The following SULF1 variants were observed in gnomAD, a reference collection of about 807,000 sequenced individuals.
The protein encoded by SULF1 is sulfatase 1.
In SULF1, 46 loss-of-function variants were observed where a neutral mutation model predicts 110.5. The ratio of observed to expected loss-of-function variants is 0.42; its 90% CI spans 0.33 to 0.53. The LOEUF (loss-of-function observed/expected upper bound fraction) is 0.53. SULF1 is among the 20% of genes least tolerant of loss of function. SULF1 has a pLI of 0.12. For missense variants in SULF1, 941 were observed against 1,094.2 expected, an observed-to-expected ratio of 0.86 and a Z score of 1.98; for synonymous variants, 371 against 387.1, an observed-to-expected ratio of 0.96 and a Z score of 0.49.
At chr8:69,561,377 A>G (rs1487772825) in intron 3 of SULF1, among the ~76,000 whole-genome samples, 1 of 152,092 alleles carries the variant, frequency 6.6e-6, no homozygotes, top group South Asian at 2.1e-4. Context: ...GGAAAAAACC[A>G]CTCTCTCTTT....
chr8:69,543,627 T>C (rs1011370309), intron 3 of SULF1, among the ~76,000 whole-genome samples: 4 of 152,246 alleles, frequency 2.6e-5, no homozygotes, highest in African/African-American at 9.6e-5. Context: ...CTATCACTGA[T>C]GGGCATTTGG....
chr8:69,635,739 G>T (rs1411045965), intron 19 of SULF1, among the ~76,000 whole-genome samples: 3 of 152,156 alleles, frequency 2.0e-5, no homozygotes, highest in Non-Finnish European at 4.4e-5. Flanking sequence ...GTGTGATGGT[G>T]CATACCTGTA....
At chr8:69,620,139 C>T (rs755214902) in intron 13 of SULF1, among the ~76,000 whole-genome samples, 8 of 152,030 alleles carry the variant, frequency 5.3e-5, no homozygotes, top group East Asian at 3.9e-4. Context: ...CCAGTTTGGC[C>T]GCTGGATGGC....
At chr8:69,470,369 G>C (rs1189303736) in intron 1 of SULF1, among the ~76,000 whole-genome samples, 1 of 152,084 alleles carries the variant, frequency 6.6e-6, no homozygotes, top group Non-Finnish European at 1.5e-5. Context: ...TTTGAAAGGA[G>C]ATATCTTATG....
chr8:69,563,940 A>T lies in SULF1; in HGVS notation c.-36A>T, dbSNP rs777659987. The T allele has an allele frequency of 6.2e-7, 1 of 1,601,532 alleles. No homozygotes were observed. Among genetic ancestry groups the T allele is most frequent in the Non-Finnish European group, 8.5e-7 (1 of 1,169,744 alleles). ...GAACTCCAGAAATCAGGAGACGGAGACATTTTGTCAGTTTTGCAACATTGG... is the reference window on the plus strand; with the variant it reads ...GAACTCCAGAAATCAGGAGACGGAGTCATTTTGTCAGTTTTGCAACATTGG... On this transcript the variant is annotated 5_prime_UTR_variant, in exon 5 of 23. Coordinates refer to ENST00000402687, the MANE Select transcript of SULF1 (RefSeq NM_001128205.2).
rs562823076 is a variant in SULF1, at chr8:69,561,748, G to A, written c.-133-1791G>A. Among the ~76,000 whole-genome samples, 4 of 152,278 alleles carry A rather than the reference G, an allele frequency of 2.6e-5. No homozygotes were observed. The South Asian group carries it at 8.3e-4, about 32-fold the overall frequency. On this transcript the variant is annotated intron_variant, in intron 3 of 22. Coordinates refer to ENST00000402687, the MANE Select transcript of SULF1 (RefSeq NM_001128205.2). ...GCCTTGAGAGGTGAGCAAAGTTTTT[G>A]CTACTTAAGGAACCAACCTCTAAGA...
chr8:69,535,290 T>G (rs1813358569), intron 3 of SULF1, among the ~76,000 whole-genome samples: 1 of 152,226 alleles, frequency 6.6e-6, no homozygotes, highest in Admixed American at 6.5e-5. Context: ...AACAGAGCAC[T>G]GACTTCCTCC....
chr8:69,576,241 C>G, intron 6 of SULF1, 32 bp downstream of exon 6: 2 of 1,602,906 alleles, frequency 1.2e-6, no homozygotes, highest in Non-Finnish European at 1.7e-6. Flanking sequence ...CCATGAACGT[C>G]TTGTAATATG....
rs1403065467 is a variant in SULF1 at position 69,627,755 on chromosome 8, G to C, written c.1948-17G>C. The C allele has an allele frequency of 6.4e-7, 1 of 1,562,440 alleles. No individual in the cohort carries two copies. The stretch of plus-strand genomic sequence containing the variant: ...TCCTGATCTTAATACGTAAGTGCTT[G>C]AAAACATGTTTTCCAGATTGAAGCT... On this transcript the variant is annotated splice_polypyrimidine_tract_variant and intron_variant, in intron 16 of 22. Transcript: ENST00000402687.
intron 22 of SULF1, among the ~76,000 whole-genome samples, chr8:69,655,471 A>G (rs759181576): frequency 3.3e-5 from 5 of 152,192 alleles, no homozygotes; most frequent in Admixed American, 6.5e-5. Flanking sequence ...TTCTCATTGC[A>G]TCTTCTATAA....
intron 8 of SULF1, chr8:69,597,711 T>C (rs1311594317): frequency 6.6e-6 from 1 of 152,198 alleles, no homozygotes; most frequent in Non-Finnish European, 1.5e-5. Context: ...TAATTTTTAT[T>C]TGTGTTGAGG....
At chr8:69,656,023 A>G (rs1197225019) in intron 22 of SULF1, among the ~76,000 whole-genome samples, 1 of 152,246 alleles carries the variant, frequency 6.6e-6, no homozygotes, top group Non-Finnish European at 1.5e-5. Flanking sequence ...ATTGCTGAAG[A>G]AGAGCTGATG....
chr8:69,616,251 G>T (rs1809136046), intron 13 of SULF1, among the ~76,000 whole-genome samples: 2 of 147,116 alleles, frequency 1.4e-5, no homozygotes. Context: ...ACGGAGTCTT[G>T]CTCTGTCACC....
In SULF1 at chr8:69,568,500, A is replaced by T. The variant is rs567408088; in HGVS notation, c.172+4353A>T. Reference sequence around the variant, plus strand: ...GAACCTTGCATATGGATAACACTTTATCTTTTCCCAAAGAACATTTTGTTC... The same window carrying T: ...GAACCTTGCATATGGATAACACTTTTTCTTTTCCCAAAGAACATTTTGTTC... On this transcript the variant is annotated intron_variant, in intron 5 of 22. Transcript: ENST00000402687. Among the ~76,000 whole-genome samples the T allele has an allele frequency of 9.6e-4, 147 of 152,340 alleles. 1 individual carries two copies. Among genetic ancestry groups the T allele is most frequent in the African/African-American group, 3.4e-3 (142 of 41,578 alleles).
At chr8:69,538,828 G>A (rs922637604) in intron 3 of SULF1, among the ~76,000 whole-genome samples, 1 of 152,102 alleles carries the variant, frequency 6.6e-6, no homozygotes, top group African/African-American at 2.4e-5. Context: ...GAGTAGCTGG[G>A]ATTACAGGTG....
chr8:69,649,386 A>C (rs189393023), intron 22 of SULF1, among the ~76,000 whole-genome samples: 1 of 152,202 alleles, frequency 6.6e-6, no homozygotes, highest in Admixed American at 6.5e-5. Flanking sequence ...ACATTCTCTT[A>C]CATAACTGTT....
At chr8:69,644,308 C>T (rs763627768) in intron 22 of SULF1, among the ~76,000 whole-genome samples, 1 of 152,188 alleles carries the variant, frequency 6.6e-6, no homozygotes, top group African/African-American at 2.4e-5. Context: ...TTAGAACAGA[C>T]CCTAGCAGGC....
At chr8:69,467,965 T>C (rs1445045928) in intron 1 of SULF1, among the ~76,000 whole-genome samples, 2 of 150,074 alleles carry the variant, frequency 1.3e-5, no homozygotes, top group African/African-American at 2.5e-5. Context: ...AGGGGGTTTA[T>C]ATGCTATGTT....
At chr8:69,488,373 C>G (rs1388564053), upstream of SULF1, among the ~76,000 whole-genome samples, 2 of 152,174 alleles carry the variant, frequency 1.3e-5, no homozygotes, top group Admixed American at 1.3e-4. Flanking sequence ...GGCAGGACTA[C>G]AGTTAAGCCA....
Sources: gnomAD v4.1 joint callset for allele counts (sites outside exome capture counted in the v4.1 genomes callset) on GRCh38, gnomAD v4.1.1 for gene constraint, MANE v1.5 for transcripts, NCBI Gene and HGNC (gene_info 2026-07-23, HGNC 2026-07-21) for gene names.